The following AGBL1 variants were observed in gnomAD, a reference collection of about 807,000 sequenced individuals.
AGBL1 encodes the protein cytosolic carboxypeptidase 4.
AGBL1 carries 130 observed loss-of-function variants against 118.9 expected under a neutral mutation model. That is an observed-to-expected ratio of 1.09 (90% CI 0.95 to 1.26). AGBL1 has a LOEUF of 1.26. AGBL1 is among the 50% of genes most tolerant of loss of function. The probability of loss-of-function intolerance (pLI) is 0.00; values close to 1 mark genes in which losing one functional copy is unlikely to be tolerated. For missense variants in AGBL1, 1,584 were observed against 1,298.1 expected (o/e 1.22, Z -3.38); for synonymous variants, 555 against 478.9 (o/e 1.16, Z -2.08).
At chr15:86,975,802 T>C (rs2081171566) in intron 23 of AGBL1, among the ~76,000 whole-genome samples, 1 of 152,186 alleles carries the variant, frequency 6.6e-6, no homozygotes, top group African/African-American at 2.4e-5. Flanking sequence ...CTAAATATGA[T>C]CGCAGTTATA....
chr15:86,141,112 C>G (rs2076957289), intron 1 of AGBL1, among the ~76,000 whole-genome samples: 1 of 152,194 alleles, frequency 6.6e-6, no homozygotes, highest in Non-Finnish European at 1.5e-5. Context: ...AGTGGTACTT[C>G]TGGCCTTGCT....
At chr15:86,809,793 G>T (rs974938171) in intron 22 of AGBL1, among the ~76,000 whole-genome samples, 1 of 152,122 alleles carries the variant, frequency 6.6e-6, no homozygotes, top group Admixed American at 6.6e-5. Context: ...CGTTTTCAAT[G>T]TAAGGTTGAA....
intron 23 of AGBL1, among the ~76,000 whole-genome samples, chr15:86,955,254 A>T (rs1023337701): frequency 3.3e-5 from 5 of 152,104 alleles, no homozygotes; most frequent in African/African-American, 1.2e-4. Flanking sequence ...TTGTAATGAA[A>T]TTTTTTTAAA....
At chr15:86,509,631 T>A (rs528988501) in intron 18 of AGBL1, among the ~76,000 whole-genome samples, 1 of 152,132 alleles carries the variant, frequency 6.6e-6, no homozygotes, top group African/African-American at 2.4e-5. Context: ...GTAATTTATA[T>A]AGGAGATAAT....
chr15:86,642,615 C>T (rs928273229), intron 21 of AGBL1, among the ~76,000 whole-genome samples: 1 of 100,944 alleles, frequency 9.9e-6, no homozygotes, highest in African/African-American at 3.2e-5. Context: ...AAAATTTTTA[C>T]TTATTAAATA....
chr15:86,141,013 G>A (rs1234194167), intron 1 of AGBL1, among the ~76,000 whole-genome samples: 1 of 152,224 alleles, frequency 6.6e-6, no homozygotes, highest in Non-Finnish European at 1.5e-5. Context: ...TCTTATGGAA[G>A]ATTAAGGCTT....
intron 7 of AGBL1, among the ~76,000 whole-genome samples, chr15:86,250,927 T>TTGCTGC (rs1262192026): frequency 6.6e-6 from 1 of 152,168 alleles, no homozygotes; most frequent in Non-Finnish European, 1.5e-5. Context: ...TATGCTGCTG[T>TTGCTGC]TGCTGCTGCT....
chr15:86,610,551 A>G (rs2447265), intron 21 of AGBL1, among the ~76,000 whole-genome samples: 75,850 of 151,966 alleles, frequency 0.5, 19,085 homozygotes, highest in East Asian at 0.73. Flanking sequence ...ACAGATAAAC[A>G]AAGGAGTTCC....
At chr15:86,954,647 A>G (rs917296997) in intron 23 of AGBL1, among the ~76,000 whole-genome samples, 1 of 152,120 alleles carries the variant, frequency 6.6e-6, no homozygotes. Flanking sequence ...GTGGACTACT[A>G]GAAGGGGGGA....
rs1171688622 is a variant in AGBL1 at position 86,324,832 on chromosome 15, A to G, written c.2374+29424A>G. Among the ~76,000 whole-genome samples the G allele has an allele frequency of 2.0e-5, 3 of 152,192 alleles. No individual in the cohort carries two copies. The East Asian group carries it at 5.8e-4, about 29-fold the overall frequency. ...GTTTGCCATTTGAGAAGGTGAGTGA[A>G]GTGGGGCCGAGTTTGGGGAAGAGGG... On this transcript the variant is annotated intron_variant, in intron 17 of 22. Transcript: ENST00000614907.
chr15:86,356,335 C>CGTGTGTGTGT (rs55955604), intron 17 of AGBL1, among the ~76,000 whole-genome samples: 356 of 150,164 alleles, frequency 2.4e-3, no homozygotes, highest in African/African-American at 8.1e-3. Context: ...CGAAGATAGA[C>CGTGTGTGTGT]GTGTGTGTGT....
chr15:86,893,849 A>T (rs1006870063), intron 22 of AGBL1, among the ~76,000 whole-genome samples: 1 of 152,214 alleles, frequency 6.6e-6, no homozygotes, highest in South Asian at 2.1e-4. Context: ...AAGAGGTTTT[A>T]TGCTATGGCA....
chr15:86,590,214 TG>T (rs1236699847), intron 21 of AGBL1, among the ~76,000 whole-genome samples: 1 of 152,130 alleles, frequency 6.6e-6, no homozygotes, highest in Non-Finnish European at 1.5e-5. Context: ...AGAGGAGACT[TG>T]GTTTGTGATA....
intron 22 of AGBL1, among the ~76,000 whole-genome samples, chr15:86,703,332 C>G (rs1007726455): frequency 1.3e-5 from 2 of 152,134 alleles, no homozygotes; most frequent in Non-Finnish European, 2.9e-5. Flanking sequence ...AGCTTGGACT[C>G]TGGAGCCATA....
intron 5 of AGBL1, among the ~76,000 whole-genome samples, chr15:86,168,627 C>A (rs988647208): frequency 2.6e-5 from 4 of 152,050 alleles, no homozygotes; most frequent in African/African-American, 9.7e-5. Flanking sequence ...TATGAAGCAA[C>A]ACACAAAAAT....
intron 22 of AGBL1, among the ~76,000 whole-genome samples, chr15:86,726,082 A>T (rs2086814171): frequency 1.3e-5 from 2 of 152,250 alleles, no homozygotes; most frequent in Non-Finnish European, 2.9e-5. Context: ...ATAGGATATA[A>T]TAGTGCTTGT....
intron 17 of AGBL1, among the ~76,000 whole-genome samples, chr15:86,380,887 G>A (rs1394009273): frequency 6.6e-6 from 1 of 152,080 alleles, no homozygotes; most frequent in Admixed American, 6.5e-5. Context: ...CAGACAGGGT[G>A]ATATCCTACT....
chr15:86,889,685 C>A (rs1163791143), intron 22 of AGBL1, among the ~76,000 whole-genome samples: 1 of 152,086 alleles, frequency 6.6e-6, no homozygotes, highest in African/African-American at 2.4e-5. Flanking sequence ...CTGAGGATAA[C>A]GACTTCCAGC....
chr15:86,171,514 GA>G (rs555547755), intron 5 of AGBL1, among the ~76,000 whole-genome samples: 204 of 152,232 alleles, frequency 1.3e-3, no homozygotes, highest in African/African-American at 4.6e-3. Context: ...GAGTTGACAA[GA>G]AGGTAAATTG....
Sources: gnomAD v4.1 joint callset for allele counts (sites outside exome capture counted in the v4.1 genomes callset) on GRCh38, gnomAD v4.1.1 for gene constraint, MANE v1.5 for transcripts, NCBI Gene and HGNC (gene_info 2026-07-23, HGNC 2026-07-21) for gene names.